AGBL4: variants seen among roughly 807,000 people sequenced by gnomAD.
The protein encoded by AGBL4 is cytosolic carboxypeptidase 6.
AGBL4 carries 58 observed loss-of-function variants against 66.4 expected under a neutral mutation model. The ratio of observed to expected loss-of-function variants is 0.87; its 90% CI spans 0.71 to 1.09. The LOEUF is 1.09. Among genes scored for constraint, AGBL4 ranks in the 50% least tolerant of loss-of-function variants. AGBL4 has a pLI of 0.00. For synonymous variants in AGBL4, 234 were observed against 222.9 expected (o/e 1.05, Z -0.44); for missense variants, 579 against 631.0 (o/e 0.92, Z 0.88).
chr1:49,571,068 G>T (rs1644319796), intron 3 of AGBL4, among the ~76,000 whole-genome samples: 1 of 149,436 alleles, frequency 6.7e-6, no homozygotes. Context: ...GTTTATTTGG[G>T]CTCTTTCATA....
chr1:49,818,058 T>C (rs1645275163), intron 2 of AGBL4, among the ~76,000 whole-genome samples: 1 of 152,206 alleles, frequency 6.6e-6, no homozygotes, highest in South Asian at 2.1e-4. Context: ...TAACTTGTTT[T>C]AAGTAAGGTA....
At chr1:49,425,738 C>T (rs1645642221) in intron 3 of AGBL4, among the ~76,000 whole-genome samples, 1 of 152,128 alleles carries the variant, frequency 6.6e-6, no homozygotes, top group Non-Finnish European at 1.5e-5. Context: ...GCCTCATGAC[C>T]AAAGTAGAGA....
At chr1:48,629,149 T>A (rs965338632) in intron 9 of AGBL4, among the ~76,000 whole-genome samples, 1 of 152,158 alleles carries the variant, frequency 6.6e-6, no homozygotes, top group Non-Finnish European at 1.5e-5. Context: ...TAGATGCTAG[T>A]GGAGTTGCAG....
At chr1:49,752,765 T>A (rs1302555418) in intron 2 of AGBL4, among the ~76,000 whole-genome samples, 1 of 152,134 alleles carries the variant, frequency 6.6e-6, no homozygotes, top group African/African-American at 2.4e-5. Flanking sequence ...ATTCTGTGCA[T>A]ATATATATTT....
intron 3 of AGBL4, among the ~76,000 whole-genome samples, chr1:49,613,353 C>A (rs2124247721): frequency 6.6e-6 from 1 of 152,232 alleles, no homozygotes; most frequent in Admixed American, 6.5e-5. Context: ...ATGTACCAAA[C>A]CTGCACATGT....
At chr1:49,378,469 G>A (rs950811003) in intron 3 of AGBL4, among the ~76,000 whole-genome samples, 1 of 152,066 alleles carries the variant, frequency 6.6e-6, no homozygotes, top group Non-Finnish European at 1.5e-5. Flanking sequence ...TATCCGAGGA[G>A]AGAGACCACT....
intron 4 of AGBL4, among the ~76,000 whole-genome samples, chr1:49,060,669 G>T (rs932992803): frequency 2.0e-5 from 3 of 152,070 alleles, no homozygotes; most frequent in Non-Finnish European, 4.4e-5. Context: ...CACTGAGTGG[G>T]GTAATACAGG....
chr1:48,686,261 C>G (rs1274135827), intron 6 of AGBL4, among the ~76,000 whole-genome samples: 1 of 152,210 alleles, frequency 6.6e-6, no homozygotes, highest in Non-Finnish European at 1.5e-5. Flanking sequence ...CTCTGAATCC[C>G]CACAGTCCAC....
At chr1:49,319,118 T>C (rs1204604525) in intron 3 of AGBL4, among the ~76,000 whole-genome samples, 2 of 152,214 alleles carry the variant, frequency 1.3e-5, no homozygotes, top group Non-Finnish European at 2.9e-5. Flanking sequence ...GAACACTTTA[T>C]ATGCATGATC....
chr1:49,331,928 TCC>T (rs1179530967), intron 3 of AGBL4, among the ~76,000 whole-genome samples: 1 of 152,100 alleles, frequency 6.6e-6, no homozygotes, highest in Non-Finnish European at 1.5e-5. Context: ...GGGAAGGAGT[TCC>T]GGCGGGGAGG....
At chr1:49,386,904 C>T (rs1251583215) in intron 3 of AGBL4, among the ~76,000 whole-genome samples, 4 of 151,740 alleles carry the variant, frequency 2.6e-5, no homozygotes, top group Admixed American at 2.0e-4. Flanking sequence ...GTTATCTTAA[C>T]TACAAAATGA....
At chr1:49,709,123 C>T (rs1479585291) in intron 2 of AGBL4, among the ~76,000 whole-genome samples, 1 of 152,178 alleles carries the variant, frequency 6.6e-6, no homozygotes, top group Non-Finnish European at 1.5e-5. Flanking sequence ...AGCTGGCAGG[C>T]AGGAAGGTTT....
intron 3 of AGBL4, among the ~76,000 whole-genome samples, chr1:49,264,860 A>T (rs1653571809): frequency 6.6e-6 from 1 of 152,168 alleles, no homozygotes; most frequent in Non-Finnish European, 1.5e-5. Flanking sequence ...AATAATTTTG[A>T]TAATTGTAGT....
chr1:49,910,601 T>G (rs1436994148), intron 1 of AGBL4, among the ~76,000 whole-genome samples: 1 of 151,720 alleles, frequency 6.6e-6, no homozygotes, highest in Non-Finnish European at 1.5e-5. Flanking sequence ...AGATAAATTT[T>G]TATGGGAAGG....
chr1:49,330,906 A>G (rs1038774677), intron 3 of AGBL4, among the ~76,000 whole-genome samples: 1 of 152,078 alleles, frequency 6.6e-6, no homozygotes, highest in African/African-American at 2.4e-5. Context: ...AAACAACTTG[A>G]CCCATGGAGA....
intron 4 of AGBL4, among the ~76,000 whole-genome samples, chr1:49,113,772 A>C (rs1371728925): frequency 6.6e-6 from 1 of 152,240 alleles, no homozygotes; most frequent in African/African-American, 2.4e-5. Context: ...TCATCTGTAT[A>C]TCTCCATCAG....
intron 5 of AGBL4, among the ~76,000 whole-genome samples, chr1:49,008,418 A>G (rs1468715498): frequency 1.3e-5 from 2 of 151,282 alleles, no homozygotes; most frequent in Non-Finnish European, 3.0e-5. Context: ...ACTCCCACAC[A>G]TTAATAATGG....
At chr1:49,108,252 T>C (rs1645336893) in intron 4 of AGBL4, among the ~76,000 whole-genome samples, 1 of 152,200 alleles carries the variant, frequency 6.6e-6, no homozygotes, top group Non-Finnish European at 1.5e-5. Flanking sequence ...TCAACAAATA[T>C]TAATTAGCCA....
At chr1:48,661,643 G>T (rs1273951999) in intron 7 of AGBL4, among the ~76,000 whole-genome samples, 2 of 152,222 alleles carry the variant, frequency 1.3e-5, no homozygotes, top group African/African-American at 4.8e-5. Context: ...GAGCACCTGA[G>T]ATCCATTCAA....
Sources: allele counts gnomAD v4.1 joint callset (sites outside exome capture counted in the v4.1 genomes callset), GRCh38; gene constraint gnomAD v4.1.1; transcripts MANE v1.5; gene names NCBI Gene and HGNC (gene_info 2026-07-23, HGNC 2026-07-21).